The following PITPNC1 variants were observed in gnomAD, a reference collection of about 807,000 sequenced individuals.
PITPNC1 encodes phosphatidylinositol transfer protein cytoplasmic 1.
PITPNC1 carries 18 observed loss-of-function variants against 44.7 expected under a neutral mutation model. The observed-to-expected ratio is 0.40, with a 90% CI of 0.28 to 0.60. PITPNC1 has a LOEUF of 0.60. Ranked by LOEUF, PITPNC1 falls within the 20% of genes least tolerant of loss-of-function variation. The probability of loss-of-function intolerance (pLI) is 0.39; values close to 1 mark genes in which losing one functional copy is unlikely to be tolerated. For missense variants in PITPNC1, 290 were observed against 418.4 expected, an observed-to-expected ratio of 0.69 and a Z score of 2.68; for synonymous variants, 141 against 149.6, an observed-to-expected ratio of 0.94 and a Z score of 0.42.
In PITPNC1 at chr17:67,584,359, A is replaced by C. The variant is rs1023761895; in HGVS notation, c.366+6102A>C. On this transcript the variant is annotated intron_variant, in intron 5 of 8. Coordinates refer to ENST00000581322, the MANE Select transcript of PITPNC1 (RefSeq NM_012417.4). ...AATGTCCAGTTTAGTTCCTGGAAACATGAAGCTCTGTCTTTCACAGGGGTC... is the reference window on the plus strand; with the variant it reads ...AATGTCCAGTTTAGTTCCTGGAAACCTGAAGCTCTGTCTTTCACAGGGGTC... Among the ~76,000 whole-genome samples, 3 of 152,302 alleles carry C rather than the reference A, an allele frequency of 2.0e-5. No individual in the cohort carries two copies. In the East Asian group the frequency reaches 5.8e-4, roughly 29 times the overall value.
At chr17:67,628,833 G>C (rs889313164) in intron 5 of PITPNC1, among the ~76,000 whole-genome samples, 14 of 152,164 alleles carry the variant, frequency 9.2e-5, no homozygotes, top group African/African-American at 3.4e-4. Flanking sequence ...CTTGCAGCTG[G>C]GGCAGAGCAT....
intron 1 of PITPNC1, among the ~76,000 whole-genome samples, chr17:67,385,498 C>T (rs569353886): frequency 4.1e-5 from 6 of 147,954 alleles, no homozygotes; most frequent in African/African-American, 1.5e-4. Flanking sequence ...TCCCCTCCCC[C>T]CAGGCACCTT....
intron 6 of PITPNC1, among the ~76,000 whole-genome samples, chr17:67,662,447 A>G (rs1275582848): frequency 1.3e-5 from 2 of 152,136 alleles, no homozygotes; most frequent in African/African-American, 4.8e-5. Flanking sequence ...CTCCATCTCA[A>G]AAAAAAGAAG....
At chr17:67,394,544 T>C (rs2038186723) in intron 1 of PITPNC1, among the ~76,000 whole-genome samples, 1 of 152,134 alleles carries the variant, frequency 6.6e-6, no homozygotes. Context: ...GCCCAGGTCA[T>C]TGGCTATAGG....
At chr17:67,666,596 G>A (rs2042426330) in intron 6 of PITPNC1, among the ~76,000 whole-genome samples, 1 of 152,228 alleles carries the variant, frequency 6.6e-6, no homozygotes, top group Non-Finnish European at 1.5e-5. Flanking sequence ...ATTTTGAGGA[G>A]GGGAGTTTAC....
chr17:67,619,994 A>G (rs2041809858), intron 5 of PITPNC1, among the ~76,000 whole-genome samples: 1 of 152,100 alleles, frequency 6.6e-6, no homozygotes, highest in African/African-American at 2.4e-5. Flanking sequence ...TCTGAAGATT[A>G]CTTCTCAGTC....
intron 1 of PITPNC1, among the ~76,000 whole-genome samples, chr17:67,470,097 A>AT (rs1174026772): frequency 6.6e-6 from 1 of 151,922 alleles, no homozygotes; most frequent in Non-Finnish European, 1.5e-5. Flanking sequence ...TAATTTATGT[A>AT]TTTTTAGTAG....
At chr17:67,618,795 A>T (rs1051212282) in intron 5 of PITPNC1, among the ~76,000 whole-genome samples, 10 of 152,006 alleles carry the variant, frequency 6.6e-5, no homozygotes, top group African/African-American at 2.4e-4. Flanking sequence ...GCGGTGGCTC[A>T]TGCCTGTAAT....
At chr17:67,537,199 T>C (rs1379375421) in intron 2 of PITPNC1, among the ~76,000 whole-genome samples, 3 of 152,326 alleles carry the variant, frequency 2.0e-5, no homozygotes, top group Non-Finnish European at 4.4e-5. Flanking sequence ...TTACCATGTC[T>C]ATCCAACATT....
At chr17:67,462,602 T>C (rs907255540) in intron 1 of PITPNC1, among the ~76,000 whole-genome samples, 1 of 152,138 alleles carries the variant, frequency 6.6e-6, no homozygotes, top group Non-Finnish European at 1.5e-5. Flanking sequence ...TAGTAGGCAC[T>C]TTACCAATAC....
At position 67,683,274 on chromosome 17, in the gene PITPNC1, A is replaced by G. The variant is rs1005759460; in HGVS notation, c.682+7732A>G. Among the ~76,000 whole-genome samples the G allele has an allele frequency of 2.6e-5, 4 of 152,182 alleles. No individual in the cohort carries two copies. The East Asian group carries it at 7.7e-4, about 29-fold the overall frequency. On this transcript the variant is annotated intron_variant, in intron 8 of 8. Transcript: ENST00000581322. The stretch of plus-strand genomic sequence containing the variant: ...AAGTCACTCTGATCATTGAAAATCA[A>G]TCAATAATAAAGATGAATCATCATT...
At chr17:67,559,712 C>A (rs1163053605) in intron 4 of PITPNC1, among the ~76,000 whole-genome samples, 1 of 152,096 alleles carries the variant, frequency 6.6e-6, no homozygotes, top group Non-Finnish European at 1.5e-5. Context: ...CATGGTGAAA[C>A]CTTGTCTCGA....
chr17:67,629,575 C>A (rs2041940370), intron 5 of PITPNC1, among the ~76,000 whole-genome samples: 1 of 152,104 alleles, frequency 6.6e-6, no homozygotes, highest in African/African-American at 2.4e-5. Flanking sequence ...CTGTGCCTGG[C>A]CTCTGTGTGT....
At chr17:67,422,674 C>T (rs373271473) in intron 1 of PITPNC1, among the ~76,000 whole-genome samples, 91 of 152,056 alleles carry the variant, frequency 6.0e-4, no homozygotes, top group African/African-American at 2.1e-3. Context: ...CAGCCTCCTG[C>T]GTAGCTGGGA....
At chr17:67,669,199 C>T (rs1359558970) in intron 6 of PITPNC1, among the ~76,000 whole-genome samples, 1 of 152,154 alleles carries the variant, frequency 6.6e-6, no homozygotes, top group Non-Finnish European at 1.5e-5. Flanking sequence ...CTCTGCCTCT[C>T]GGGTTCAAGC....
At position 67,696,165 on chromosome 17, in the gene PITPNC1, G is replaced by C. The variant is rs1158609367; in HGVS notation, c.*3277G>C. The C allele has an allele frequency of 6.6e-6, 1 of 152,120 alleles. No homozygotes were observed. Among genetic ancestry groups the C allele is most frequent in the Admixed American group, 6.5e-5 (1 of 15,268 alleles). The allele number at this position is 152,120 out of a possible 1,614,324, so 9.4% of individuals were successfully genotyped here. The stretch of plus-strand genomic sequence containing the variant: ...GGTCCTGAAAATAAATCTCTAAGTA[G>C]CACAGTTGTGGGTATATTATGCAGA... On this transcript the variant is annotated 3_prime_UTR_variant, in exon 9 of 9. Transcript: ENST00000581322.
At chr17:67,569,007 C>T (rs1345826567) in intron 4 of PITPNC1, among the ~76,000 whole-genome samples, 2 of 152,066 alleles carry the variant, frequency 1.3e-5, no homozygotes, top group African/African-American at 4.8e-5. Context: ...GCACTTCCTG[C>T]TTCTGAAGTG....
chr17:67,545,371 C>T (rs902002191), intron 2 of PITPNC1, among the ~76,000 whole-genome samples: 10 of 151,586 alleles, frequency 6.6e-5, no homozygotes, highest in African/African-American at 2.4e-4. Flanking sequence ...TGAGGTCAGG[C>T]GTTTGAGACC....
chr17:67,621,271 G>A (rs8067065), intron 5 of PITPNC1, among the ~76,000 whole-genome samples: 2,022 of 148,282 alleles, frequency 0.014, 57 homozygotes, highest in African/African-American at 0.048. Flanking sequence ...GCAATGGCGC[G>A]ATCTCAGGTC....
Sources: gnomAD v4.1 joint callset for allele counts (sites outside exome capture counted in the v4.1 genomes callset) on GRCh38, gnomAD v4.1.1 for gene constraint, MANE v1.5 for transcripts, NCBI Gene and HGNC (gene_info 2026-07-23, HGNC 2026-07-21) for gene names.